PPM1L: variants seen among roughly 807,000 people sequenced by gnomAD.
PPM1L encodes protein phosphatase 1L.
In PPM1L, 13 loss-of-function variants were observed where a neutral mutation model predicts 31.4. The ratio of observed to expected loss-of-function variants is 0.41; its 90% CI spans 0.27 to 0.66. PPM1L has a LOEUF of 0.66. Among genes scored for constraint, PPM1L ranks in the 30% least tolerant of loss-of-function variants. PPM1L has a pLI of 0.29. For missense variants in PPM1L, 326 were observed against 453.7 expected (o/e 0.72, Z 2.56); for synonymous variants, 184 against 175.4 (o/e 1.05, Z -0.39).
chr3:161,011,128 T>C (rs1025914936), intron 2 of PPM1L, among the ~76,000 whole-genome samples: 1 of 152,224 alleles, frequency 6.6e-6, no homozygotes, highest in Non-Finnish European at 1.5e-5. Context: ...TAGGTTTTCT[T>C]CTAGGGTTTT....
chr3:160,913,709 T>A (rs995826346), intron 1 of PPM1L, among the ~76,000 whole-genome samples: 2 of 152,194 alleles, frequency 1.3e-5, no homozygotes, highest in African/African-American at 4.8e-5. Context: ...TTGAGATTCA[T>A]CCATGTCGTT....
chr3:161,041,061 G>C (rs948773678), intron 2 of PPM1L, among the ~76,000 whole-genome samples: 2 of 152,136 alleles, frequency 1.3e-5, no homozygotes, highest in African/African-American at 4.8e-5. Context: ...GTCATCTACT[G>C]TCTCTAAGGG....
At chr3:161,018,090 C>T (rs1231552553) in intron 2 of PPM1L, among the ~76,000 whole-genome samples, 1 of 152,118 alleles carries the variant, frequency 6.6e-6, no homozygotes, top group African/African-American at 2.4e-5. Flanking sequence ...TTTAATTCAG[C>T]TGTCAATCTT....
chr3:160,756,820 G>A lies in PPM1L; in HGVS notation c.399+113G>A. ...ACAACAGGACAGCGTGTGCGCAGCG[G>A]GAGAGGATCTGGGTGCGAGGGGCGT... On this transcript the variant is annotated intron_variant, in intron 1 of 3. Transcript: ENST00000498165. This position sits in a 1 kb window ranked among gnomAD's most constrained non-coding sequence, Gnocchi z 6.2. 1 of 1,203,978 alleles carries A rather than the reference G, an allele frequency of 8.3e-7. No homozygotes were observed. The allele number at this position is 1,203,978 out of a possible 1,614,324, so 74.6% of individuals were successfully genotyped here. A position where few individuals can be genotyped will look rare whatever the true frequency, so the allele number is the denominator to read the frequency against.
intron 1 of PPM1L, among the ~76,000 whole-genome samples, chr3:160,824,583 A>G (rs1055119304): frequency 6.6e-6 from 1 of 152,128 alleles, no homozygotes; most frequent in Non-Finnish European, 1.5e-5. Flanking sequence ...CTCACCTGAC[A>G]GTTGCAGGCC....
At position 161,076,103 on chromosome 3, in the gene PPM1L, C is replaced by CTT. The variant is rs1038107445; in HGVS notation, c.*6947_*6948dup. On this transcript the variant is annotated 3_prime_UTR_variant, in exon 4 of 4. Transcript: ENST00000498165. ...ACAGAGTGATTTGATATTCTTGCTT[C>CTT]TTAGAGAGTTTTCTAATCCATATAA... The CTT allele has an allele frequency of 1.2e-4, 18 of 152,166 alleles. No individual in the cohort carries two copies. Among genetic ancestry groups the CTT allele is most frequent in the African/African-American group, 4.3e-4 (18 of 41,454 alleles). 9.4% of individuals were successfully genotyped at this position (152,166 alleles called of 1,614,324 possible).
chr3:160,914,231 G>A (rs1182145106), intron 1 of PPM1L, among the ~76,000 whole-genome samples: 1 of 152,024 alleles, frequency 6.6e-6, no homozygotes, highest in African/African-American at 2.4e-5. Flanking sequence ...TGAAGCATCT[G>A]TTCAAATCTT....
intron 1 of PPM1L, among the ~76,000 whole-genome samples, chr3:160,779,368 A>G (rs895066596): frequency 1.3e-5 from 2 of 152,154 alleles, no homozygotes; most frequent in African/African-American, 2.4e-5. Context: ...AGCTGTCTGA[A>G]TTTGAGCAAA....
intron 1 of PPM1L, among the ~76,000 whole-genome samples, chr3:160,954,580 T>G (rs998009180): frequency 6.6e-6 from 1 of 152,038 alleles, no homozygotes; most frequent in Non-Finnish European, 1.5e-5. Flanking sequence ...CCCAGGCTGG[T>G]CTTGATCTCC....
intron 1 of PPM1L, among the ~76,000 whole-genome samples, chr3:160,873,061 A>G (rs1433229899): frequency 2.0e-5 from 3 of 152,216 alleles, no homozygotes; most frequent in Non-Finnish European, 2.9e-5. Flanking sequence ...AGGTAATGTT[A>G]AAGATGATTT....
intron 2 of PPM1L, among the ~76,000 whole-genome samples, chr3:160,977,962 T>C (rs1293336715): frequency 6.6e-6 from 1 of 152,208 alleles, no homozygotes; most frequent in Non-Finnish European, 1.5e-5. Context: ...CAACATTGTC[T>C]TAGTCTGGGT....
chr3:160,959,414 C>T (rs568582971), intron 1 of PPM1L, among the ~76,000 whole-genome samples: 1 of 152,146 alleles, frequency 6.6e-6, no homozygotes, highest in South Asian at 2.1e-4. Context: ...ACTTATATAA[C>T]CAAAAACCAC....
intron 1 of PPM1L, among the ~76,000 whole-genome samples, chr3:160,834,182 C>T (rs1029216789): frequency 2.0e-5 from 3 of 152,078 alleles, no homozygotes; most frequent in African/African-American, 7.2e-5. Context: ...CACCATCATG[C>T]CCAGATAATT....
chr3:160,764,551 C>CT (rs1403535881), intron 1 of PPM1L, among the ~76,000 whole-genome samples: 2 of 151,252 alleles, frequency 1.3e-5, no homozygotes, highest in African/African-American at 4.9e-5. Context: ...GCTGCAAACT[C>CT]TGTCTCCTGG....
chr3:161,014,760 G>A (rs1454564222), intron 2 of PPM1L, among the ~76,000 whole-genome samples: 2 of 152,126 alleles, frequency 1.3e-5, no homozygotes, highest in South Asian at 2.1e-4. Context: ...GTGAGCCACT[G>A]CTCCTGGCCA....
intron 1 of PPM1L, among the ~76,000 whole-genome samples, chr3:160,829,873 A>G (rs1029177138): frequency 2.6e-5 from 4 of 152,160 alleles, no homozygotes; most frequent in East Asian, 1.9e-4. Context: ...CTTTTGTCCC[A>G]TTGGCATGCC....
At chr3:160,958,196 A>G (rs542561955) in intron 1 of PPM1L, among the ~76,000 whole-genome samples, 78 of 152,258 alleles carry the variant, frequency 5.1e-4, no homozygotes, top group African/African-American at 1.8e-3. Flanking sequence ...CTTTTTTTGC[A>G]ATTGCTTTTG....
Position 161,006,705 on chromosome 3 carries a change from C to T in PPM1L, c.574+44795C>T, listed in dbSNP as rs1350097034. Among the ~76,000 whole-genome samples, 8 of 117,930 alleles carry T rather than the reference C, an allele frequency of 6.8e-5. No homozygotes were observed. The South Asian group carries it at 1.7e-3, about 25-fold the overall frequency. 77.4% of individuals were successfully genotyped at this position (117,930 alleles called of 152,430 possible). ...CTTTTTTTTTTTTTTTTTTTTGAGA[C>T]GGAGTCTTGATCTGTCGCCCAGGCT... On this transcript the variant is annotated intron_variant, in intron 2 of 3. Coordinates refer to ENST00000498165, the MANE Select transcript of PPM1L (RefSeq NM_139245.4).
At chr3:160,858,066 G>T (rs1711774407) in intron 1 of PPM1L, among the ~76,000 whole-genome samples, 1 of 152,034 alleles carries the variant, frequency 6.6e-6, no homozygotes, top group Non-Finnish European at 1.5e-5. Context: ...AGGCTGTTTA[G>T]TTGACATTTG....
Sources: gnomAD v4.1 joint callset for allele counts (sites outside exome capture counted in the v4.1 genomes callset) on GRCh38, gnomAD v4.1.1 for gene constraint, Gnocchi (gnomAD v3.1) non-coding constraint, MANE v1.5 for transcripts, NCBI Gene and HGNC (gene_info 2026-07-23, HGNC 2026-07-21) for gene names.